The following KIF6 variants were observed in gnomAD, a reference collection of about 807,000 sequenced individuals.
KIF6 encodes kinesin-like protein KIF6.
In KIF6, 106 loss-of-function variants were observed where a neutral mutation model predicts 112.7. The ratio of observed to expected loss-of-function variants is 0.94; its 90% confidence interval spans 0.80 to 1.11. The LOEUF is 1.11. KIF6 is among the 50% of genes least tolerant of loss of function. The pLI is 0.00. For missense variants in KIF6, 929 were observed against 964.0 expected (o/e 0.96, Z 0.48); for synonymous variants, 339 against 339.9 (o/e 1.00, Z 0.03).
chr6:39,672,540 T>A (rs534782845), intron 3 of KIF6, among the ~76,000 whole-genome samples: 10 of 152,350 alleles, frequency 6.6e-5, no homozygotes, highest in Non-Finnish European at 1.0e-4. Context: ...TTAAGCAGTA[T>A]ATTAGTCAGC....
intron 10 of KIF6, among the ~76,000 whole-genome samples, chr6:39,546,955 G>A (rs1463033405): frequency 6.6e-6 from 1 of 151,912 alleles, no homozygotes; most frequent in East Asian, 1.9e-4. Context: ...CCTAACATTA[G>A]GTTCTCAACA....
chr6:39,688,928 C>T (rs537608370), intron 3 of KIF6, among the ~76,000 whole-genome samples: 69 of 152,116 alleles, frequency 4.5e-4, no homozygotes, highest in South Asian at 1.0e-3. Flanking sequence ...CATAGTGAGA[C>T]TCCATCTCTA....
At chr6:39,484,781 T>C (rs1050138284) in intron 13 of KIF6, among the ~76,000 whole-genome samples, 1 of 152,196 alleles carries the variant, frequency 6.6e-6, no homozygotes, top group African/African-American at 2.4e-5. Flanking sequence ...GGCCTGTATA[T>C]ATAAAGGTGT....
Position 39,717,019 on chromosome 6 carries a change from G to A in KIF6, c.177-2253C>T, listed in dbSNP as rs1789890440. Among the ~76,000 whole-genome samples the A allele has an allele frequency of 3.3e-5, 5 of 152,002 alleles. No individual in the cohort carries two copies. The South Asian group carries it at 1.0e-3, about 32-fold the overall frequency. ...CAACATTTCCACTGTTACCACCTTG[G>A]TCCACGCTACCATAATTTCTTGCCT... On this transcript the variant is annotated intron_variant, in intron 2 of 22. Transcript: ENST00000287152.
rs1344101694 is a variant in KIF6, at chr6:39,545,629, A to G, written c.1241T>C (p.Val414Ala). The part of the protein sequence containing the change: ...EDQDSDSRLE[V>A]GADMRKVHHC... ...ATGAACTTTACGCATATCCGCGCCA[A>G]CCTCTAATCTACTGTCTGAATCCTG... The change falls in exon 11 of 23, where the codon GTT becomes GCT. Residue 414 changes from valine to alanine, a missense_variant. This residue lies in a region of KIF6 where 688 missense variants were observed against 662.7 expected (regional missense o/e 1.04). Coordinates refer to ENST00000287152, the MANE Select transcript of KIF6 (RefSeq NM_145027.6). 4 of 1,613,774 alleles carry G rather than the reference A, an allele frequency of 2.5e-6. 1 individual carries two copies. The highest frequency in any genetic ancestry group is 2.2e-5 in the East Asian group (1 of 44,862).
chr6:39,391,170 G>C (rs576153616), intron 15 of KIF6, among the ~76,000 whole-genome samples: 65 of 152,298 alleles, frequency 4.3e-4, no homozygotes, highest in African/African-American at 1.4e-3. Flanking sequence ...TTGATTATGA[G>C]ACATATTTCT....
intron 14 of KIF6, among the ~76,000 whole-genome samples, chr6:39,430,584 C>G (rs1200657719): frequency 6.6e-6 from 1 of 152,206 alleles, no homozygotes; most frequent in Non-Finnish European, 1.5e-5. Flanking sequence ...ATCCTGCCTG[C>G]TCTAATTTTG....
chr6:39,616,804 T>C (rs966964737), intron 5 of KIF6, among the ~76,000 whole-genome samples: 29 of 152,236 alleles, frequency 1.9e-4, no homozygotes, highest in African/African-American at 7.0e-4. Flanking sequence ...GAGAGGTAGT[T>C]GCAGAATGAG....
chr6:39,619,987 C>T (rs1783727928), intron 5 of KIF6, among the ~76,000 whole-genome samples: 2 of 152,120 alleles, frequency 1.3e-5, no homozygotes, highest in Non-Finnish European at 2.9e-5. Context: ...ATCAATGGCG[C>T]CCAAATCTAC....
intron 13 of KIF6, among the ~76,000 whole-genome samples, chr6:39,515,520 T>A (rs55749620): frequency 0.23 from 34,680 of 152,202 alleles, 4,770 homozygotes; most frequent in African/African-American, 0.37. Context: ...CCATTTCTAC[T>A]CTCCTTGTCA....
chr6:39,382,601 T>C (rs148777723), intron 16 of KIF6, among the ~76,000 whole-genome samples: 134 of 152,324 alleles, frequency 8.8e-4, no homozygotes, highest in African/African-American at 2.6e-3. Flanking sequence ...GTCTTTGCTA[T>C]TGTGAATAGT....
chr6:39,385,352 G>T (rs1002091783), intron 16 of KIF6, among the ~76,000 whole-genome samples: 3 of 152,180 alleles, frequency 2.0e-5, no homozygotes, highest in Admixed American at 6.5e-5. Flanking sequence ...TTTAGGTGGG[G>T]ATGTGGGGTG....
intron 5 of KIF6, among the ~76,000 whole-genome samples, chr6:39,618,956 C>T (rs1013656591): frequency 6.6e-6 from 1 of 152,178 alleles, no homozygotes; most frequent in Non-Finnish European, 1.5e-5. Flanking sequence ...TGCACAAAAC[C>T]AATCTGTAAC....
intron 13 of KIF6, among the ~76,000 whole-genome samples, chr6:39,450,291 G>A (rs1248064786): frequency 6.6e-6 from 1 of 152,182 alleles, no homozygotes; most frequent in African/African-American, 2.4e-5. Flanking sequence ...GATTATGTTA[G>A]GCTATCTAGG....
chr6:39,624,511 T>C (rs1783991763), intron 5 of KIF6, among the ~76,000 whole-genome samples: 1 of 152,226 alleles, frequency 6.6e-6, no homozygotes. Flanking sequence ...AAATTGAGAA[T>C]GGATTCTGAA....
In KIF6 at chr6:39,428,959, ATGTCCCC is replaced by A. The variant is rs554755211; in HGVS notation, c.1754+2087_1754+2093del. On this transcript the variant is annotated intron_variant, in intron 14 of 22. Coordinates refer to ENST00000287152, the MANE Select transcript of KIF6 (RefSeq NM_145027.6). ...AAGGCTGCTCACAGCAGCCTGGAGTATGTCCCCTTATAAACATGCACGAGAACTTCTT... is the reference window on the plus strand; with the variant it reads ...AAGGCTGCTCACAGCAGCCTGGAGTATTATAAACATGCACGAGAACTTCTT... Among the ~76,000 whole-genome samples, 37 of 152,230 alleles carry A rather than the reference ATGTCCCC, an allele frequency of 2.4e-4. 1 individual carries two copies. Among genetic ancestry groups the A allele is most frequent in the Non-Finnish European group, 1.3e-4 (9 of 68,044 alleles).
chr6:39,380,205 G>A (rs1766801570), intron 16 of KIF6, among the ~76,000 whole-genome samples: 1 of 152,122 alleles, frequency 6.6e-6, no homozygotes, highest in Non-Finnish European at 1.5e-5. Context: ...AAATAACATT[G>A]TTCTATTGTT....
At chr6:39,349,631 C>CTTTTTTTTTTTTTGTTTTTTTTTTTTTTT (rs1764069898) in intron 19 of KIF6, among the ~76,000 whole-genome samples, 1 of 64,544 alleles carries the variant, frequency 1.5e-5, no homozygotes, top group South Asian at 7.2e-4. Flanking sequence ...ATTTGTGGCT[C>CTTTTTTTTTTTTTGTTTTTTTTTTTTTTT]TTTTTTTTTT....
rs1434084450 is a variant in KIF6 at position 39,333,184 on chromosome 6, A to G, written c.*3348T>C. On this transcript the variant is annotated 3_prime_UTR_variant, in exon 23 of 23. Transcript: ENST00000287152. ...GCTTTTCCATATACAGGATGCTCTC[A>G]GTGCCTTTCCACAGGCTGCATGGAG... The G allele has an allele frequency of 1.3e-5, 2 of 152,214 alleles. No individual in the cohort carries two copies. Among genetic ancestry groups the G allele is most frequent in the Non-Finnish European group, 2.9e-5 (2 of 68,044 alleles). 9.4% of individuals were successfully genotyped at this position (152,214 alleles called of 1,614,324 possible). A position where few individuals can be genotyped will look rare whatever the true frequency, so the allele number is the denominator to read the frequency against.
Sources: allele counts gnomAD v4.1 joint callset (sites outside exome capture counted in the v4.1 genomes callset), GRCh38; gene constraint gnomAD v4.1.1; regional missense constraint gnomAD v4.1.1; transcripts MANE v1.5; gene names NCBI Gene and HGNC (gene_info 2026-07-23, HGNC 2026-07-21).